NUMBL: variants seen among roughly 807,000 people sequenced by gnomAD.
NUMBL encodes numb-like protein.
A neutral mutation model predicts 48.9 loss-of-function variants in NUMBL; 20 were observed. The ratio of observed to expected loss-of-function variants is 0.41; its 90% CI spans 0.29 to 0.59. NUMBL has a LOEUF of 0.59. Ranked by LOEUF, NUMBL falls within the 20% of genes least tolerant of loss-of-function variation. The pLI, the probability that NUMBL is intolerant of heterozygous loss-of-function variation, is 0.31. For synonymous variants in NUMBL, 340 were observed against 348.7 expected, an observed-to-expected ratio of 0.98 and a Z score of 0.28; for missense variants, 660 against 846.2, an observed-to-expected ratio of 0.78 and a Z score of 2.73.
Position 40,667,349 on chromosome 19 carries a change from G to C in NUMBL, c.*119C>G, listed in dbSNP as rs1192196430. ...TGGTTGTCGGGGTGGTTGAGGGAGG[G>C]GGGTGTTGAGAGGGTGTTGAGGGGC... On this transcript the variant is annotated 3_prime_UTR_variant, in exon 10 of 10. Coordinates refer to ENST00000252891, the MANE Select transcript of NUMBL (RefSeq NM_004756.5). This position sits in a 1 kb window ranked among gnomAD's most constrained non-coding sequence, Gnocchi z 6.1. The C allele has an allele frequency of 8.0e-6, 11 of 1,373,954 alleles. No homozygotes were observed. The highest frequency in any genetic ancestry group is 2.5e-5 in the Admixed American group (1 of 40,144). 85.1% of individuals were successfully genotyped at this position (1,373,954 alleles called of 1,614,324 possible).
chr19:40,684,826 G>T, intron 2 of NUMBL: 2 of 428,602 alleles, frequency 4.7e-6, no homozygotes, highest in Non-Finnish European at 8.4e-6. Context: ...GGGGTGGGGG[G>T]TATGGGGCAC....
Position 40,684,500 on chromosome 19 carries a change from A to C in NUMBL, c.166T>G (p.Tyr56Asp). Residue 56 changes from tyrosine to aspartate, a missense_variant, in exon 3 of 10, where the codon TAC becomes GAC. Coordinates refer to ENST00000252891, the MANE Select transcript of NUMBL (RefSeq NM_004756.5). ...RQSLRRRKPA[Y>D]VPEASRPHQW... ...TGCGGGCGCGACGCCTCGGGCACGT[A>C]GGCTGGCTTCCTCCGCCGCAGGCTC... 7 of 1,603,742 alleles carry C rather than the reference A, an allele frequency of 4.4e-6. No individual in the cohort carries two copies. Among genetic ancestry groups the C allele is most frequent in the Non-Finnish European group, 6.0e-6 (7 of 1,175,766 alleles).
At chr19:40,677,519 G>GAT in intron 6 of NUMBL, 98 bp from the exon 7 acceptor site, 1 of 1,097,830 alleles carries the variant, frequency 9.1e-7, no homozygotes, top group Non-Finnish European at 1.3e-6. Flanking sequence ...GGGTTGCCCC[G>GAT]GATGAGTCTC....
rs2081857898 is a variant in NUMBL, at chr19:40,673,367, G to T, written c.1013C>A (p.Thr338Asn). ...NELPSTLQRR[T>N]DFQVKGTVPE... The stretch of plus-strand genomic sequence containing the variant: ...ACCTGTGCCCTTCACCTGGAAGTCA[G>T]TGCGGCGCTGCAGCGTGGATGGCAG... Residue 338 changes from threonine to asparagine, a missense_variant, in exon 8 of 10, where the codon ACT becomes AAT. By Grantham distance (65) the Thr-to-Asn change is moderately conservative. Transcript: ENST00000252891. The surrounding 1 kb of genome is among the most constrained non-coding windows in gnomAD (Gnocchi z 5.9). 1 of 1,613,716 alleles carries T rather than the reference G, an allele frequency of 6.2e-7. No individual in the cohort carries two copies. Among genetic ancestry groups the T allele is most frequent in the Non-Finnish European group, 8.5e-7 (1 of 1,179,752 alleles).
At position 40,677,248 on chromosome 19, in the gene NUMBL, G is replaced by A. The variant is rs772736331; in HGVS notation, c.714C>T (p.Ala238=). 2 of 1,567,722 alleles carry A rather than the reference G, an allele frequency of 1.3e-6. No individual in the cohort carries two copies. The highest frequency in any genetic ancestry group is 1.2e-5 in the South Asian group (1 of 86,088). The change falls in exon 7 of 10, where the codon GCC becomes GCT. Residue 238 remains alanine (A), a synonymous_variant. Transcript: ENST00000252891. The part of the protein sequence containing the change: ...SGGGRPAERE[A]PDKKKAEAAA... ...AACACCCACCTTTCTTCTTGTCCGGGGCCTCTCGCTCAGCAGGCCGCCCAC... is the reference window on the plus strand; with the variant it reads ...AACACCCACCTTTCTTCTTGTCCGGAGCCTCTCGCTCAGCAGGCCGCCCAC...
In NUMBL at chr19:40,682,979, A is replaced by C; in HGVS notation, c.250-11T>G. 2.5e-6 allele frequency: 4 copies of C among 1,573,812 alleles called. No homozygotes were observed. The highest frequency in any genetic ancestry group is 3.5e-6 in the Non-Finnish European group (4 of 1,152,648). On this transcript the variant is annotated splice_polypyrimidine_tract_variant and intron_variant, in intron 3 of 9. Transcript: ENST00000252891. The surrounding 1 kb of genome is among the most constrained non-coding windows in gnomAD (Gnocchi z 4.0). ...CACGTGACCCAGGTACTTGGGTTGG[A>C]GGGAATGGGGGGGGGGACATGAAAC...
In NUMBL at chr19:40,686,967, A is replaced by T. The variant is rs775476933; in HGVS notation, c.53T>A (p.Leu18Gln). ...SGGPRRPERH[L>Q]PPAPCGAPGP... ...CGGGGCCCCACAGGGGGCTGGGGGC[A>T]GGTGCCGCTCAGGCCTCCGGGGTCC... The change falls in exon 2 of 10, where the codon CTG becomes CAG. Residue 18 changes from leucine (L) to glutamine (Q), a missense_variant. Around this residue, in one of 3 missense-constraint regions of NUMBL, gnomAD observed 86 missense variants for 85.9 expected, o/e 1.00. Coordinates refer to ENST00000252891, the MANE Select transcript of NUMBL (RefSeq NM_004756.5). 2 of 1,534,404 alleles carry T rather than the reference A, an allele frequency of 1.3e-6. No individual in the cohort carries two copies. Among genetic ancestry groups the T allele is most frequent in the South Asian group, 2.4e-5 (2 of 82,558 alleles).
intron 7 of NUMBL, among the ~76,000 whole-genome samples, 167 bp downstream of exon 7, chr19:40,677,065 C>T (rs905697933): frequency 6.6e-6 from 1 of 152,316 alleles, no homozygotes; most frequent in Admixed American, 6.5e-5. Context: ...CCGCCCATCT[C>T]GGCCTCTCAA....
At chr19:40,671,665 C>G (rs2604892) in intron 8 of NUMBL, among the ~76,000 whole-genome samples, 101,690 of 152,074 alleles carry the variant, frequency 0.67, 35,460 homozygotes, top group African/African-American at 0.88. Flanking sequence ...TTGGAGCAGC[C>G]CAGCCTCCTG....
chr19:40,684,452 C>T lies in NUMBL; in HGVS notation c.214G>A (p.Ala72Thr), dbSNP rs1421042750. 8 of 1,581,546 alleles carry T rather than the reference C, an allele frequency of 5.1e-6. No individual in the cohort carries two copies. The South Asian group carries it at 6.9e-5, about 14-fold the overall frequency. The change falls in exon 3 of 10, where the codon GCG becomes ACG. Residue 72 changes from alanine to threonine, a missense_variant. Ala to Thr is a moderately conservative substitution (Grantham distance 58, BLOSUM62 0). Coordinates refer to ENST00000252891, the MANE Select transcript of NUMBL (RefSeq NM_004756.5). ...AAGCTGCACGTGCCCTTCCGCACCGCGTCCTCGTCTGCCTGCCACTGGTGC... is the reference window on the plus strand; with the variant it reads ...AAGCTGCACGTGCCCTTCCGCACCGTGTCCTCGTCTGCCTGCCACTGGTGC... ...RPHQWQADED[A>T]VRKGTCSFPV... is the part of the protein sequence containing the mutation.
At position 40,687,916 on chromosome 19, in the gene NUMBL, C is replaced by T. The variant is rs2081943023; in HGVS notation, c.25-921G>A. ...CACCAACACACTGTTTTTGGCCACA[C>T]ACTGTCACGTGGTCACACATACTCA... On this transcript the variant is annotated intron_variant, in intron 1 of 9. Transcript: ENST00000252891. The surrounding 1 kb of genome is among the most constrained non-coding windows in gnomAD (Gnocchi z 4.6). 1.3e-5 allele frequency among the ~76,000 whole-genome samples: 2 copies of T among 152,240 alleles called. No individual in the cohort carries two copies. The highest frequency in any genetic ancestry group is 4.8e-5 in the African/African-American group (2 of 41,466).
chr19:40,686,195 T>C (rs902332366), intron 2 of NUMBL: 6 of 151,350 alleles, frequency 4.0e-5, no homozygotes, highest in Admixed American at 3.3e-4. Flanking sequence ...TTGTTGCGAA[T>C]GAAGGCTGGA....
intron 9 of NUMBL, among the ~76,000 whole-genome samples, chr19:40,669,503 C>T (rs1453402296): frequency 6.6e-6 from 1 of 151,436 alleles, no homozygotes; most frequent in Non-Finnish European, 1.5e-5. Context: ...GGATGATCCC[C>T]TGGCTCTAAG....
rs552696401 is a variant in NUMBL at position 40,682,197 on chromosome 19, G to C, written c.399+531C>G. ...GCTGGAGTGCAATGGCATGATCTCC[G>C]CTCACCGCAACCTCCAAGTCTCGGG... On this transcript the variant is annotated intron_variant, in intron 5 of 9. Coordinates refer to ENST00000252891, the MANE Select transcript of NUMBL (RefSeq NM_004756.5). The surrounding 1 kb of genome is among the most constrained non-coding windows in gnomAD (Gnocchi z 4.0). 8.4e-4 allele frequency among the ~76,000 whole-genome samples: 127 copies of C among 152,012 alleles called. 1 individual carries two copies. The highest frequency in any genetic ancestry group is 2.9e-3 in the African/African-American group (119 of 41,490).
At position 40,690,485 on chromosome 19, in the gene NUMBL, C is replaced by A; in HGVS notation, c.-2G>T. 7.7e-7 allele frequency: 1 copy of A among 1,298,622 alleles called. No homozygotes were observed. The highest frequency in any genetic ancestry group is 9.8e-7 in the Non-Finnish European group (1 of 1,020,732). The allele number at this position is 1,298,622 out of a possible 1,614,324, so 80.4% of individuals were successfully genotyped here. Reference sequence around the variant, plus strand: ...GCTGGCCGCCGCGCTGCGGGACATCCAGGGCCCGGGCGCCCCCGCCTCCCG... The same window carrying A: ...GCTGGCCGCCGCGCTGCGGGACATCAAGGGCCCGGGCGCCCCCGCCTCCCG... On this transcript the variant is annotated 5_prime_UTR_variant, in exon 1 of 10. Transcript: ENST00000252891.
At chr19:40,677,567 A>G in intron 6 of NUMBL, 146 bp from the exon 7 acceptor site, 1 of 683,154 alleles carries the variant, frequency 1.5e-6, no homozygotes, top group Non-Finnish European at 2.4e-6. Flanking sequence ...CTGCACCACA[A>G]GGAAGGGCTG....
At chr19:40,670,604 G>A in intron 8 of NUMBL, among the ~76,000 whole-genome samples, 1 of 152,294 alleles carries the variant, frequency 6.6e-6, no homozygotes, top group Non-Finnish European at 1.5e-5. Context: ...TCCCATGTGT[G>A]GTGTGTGACA....
At chr19:40,675,930 A>G (rs1462848207) in intron 7 of NUMBL, among the ~76,000 whole-genome samples, 1 of 151,800 alleles carries the variant, frequency 6.6e-6, no homozygotes, top group Non-Finnish European at 1.5e-5. Flanking sequence ...TGGTGGTGCA[A>G]TCGCAGCTCT....
rs1277499893 is a variant in NUMBL, at chr19:40,682,817, G to C, written c.325-15C>G. 1 of 1,614,136 alleles carries C rather than the reference G, an allele frequency of 6.2e-7. No homozygotes were observed. The highest frequency in any genetic ancestry group is 1.7e-5 in the Admixed American group (1 of 60,024). On this transcript the variant is annotated splice_polypyrimidine_tract_variant and intron_variant, in intron 4 of 9. Transcript: ENST00000252891. This position sits in a 1 kb window ranked among gnomAD's most constrained non-coding sequence, Gnocchi z 4.0. ...TTTCGGCCCATCTGGAGGGAGGCAA[G>C]GGGACAAAGGAGCCGGGTCAGGGTG...
Sources: allele counts gnomAD v4.1 joint callset (sites outside exome capture counted in the v4.1 genomes callset), GRCh38; gene constraint gnomAD v4.1.1; regional missense constraint gnomAD v4.1.1; non-coding constraint Gnocchi (gnomAD v3.1); transcripts MANE v1.5; gene names NCBI Gene and HGNC (gene_info 2026-07-23, HGNC 2026-07-21).